DENND4C: variants seen among roughly 807,000 people sequenced by gnomAD.
DENND4C encodes DENN domain containing 4C.
In DENND4C, 108 loss-of-function variants were observed where a neutral mutation model predicts 203.0. The ratio of observed to expected loss-of-function variants is 0.53; its 90% CI spans 0.46 to 0.62. DENND4C has a LOEUF of 0.62. DENND4C is among the 20% of genes least tolerant of loss of function. The pLI, the probability that DENND4C is intolerant of heterozygous loss-of-function variation, is 0.00. For synonymous variants in DENND4C, 871 were observed against 792.4 expected (o/e 1.10, Z -1.67); for missense variants, 2,481 against 2,301.2 (o/e 1.08, Z -1.60).
At chr9:19,270,061 C>T (rs560045103) in intron 1 of DENND4C, among the ~76,000 whole-genome samples, 3 of 152,050 alleles carry the variant, frequency 2.0e-5, no homozygotes, top group Non-Finnish European at 4.4e-5. Context: ...AGCCAGTATT[C>T]CCTGGATTAC....
intron 1 of DENND4C, among the ~76,000 whole-genome samples, chr9:19,253,928 C>G (rs957143520): frequency 1.3e-5 from 2 of 152,026 alleles, no homozygotes; most frequent in African/African-American, 4.8e-5. Flanking sequence ...ATTGCTTGAG[C>G]CCAGAAGTTC....
At chr9:19,305,109 G>A (rs553584887) in intron 9 of DENND4C, among the ~76,000 whole-genome samples, 1 of 152,006 alleles carries the variant, frequency 6.6e-6, no homozygotes, top group Non-Finnish European at 1.5e-5. Flanking sequence ...GAATTAACAT[G>A]CAAAAAGCTG....
intron 9 of DENND4C, 149 bp downstream of exon 9, chr9:19,300,480 A>G (rs1440969420): frequency 9.1e-6 from 6 of 661,636 alleles, no homozygotes; most frequent in Admixed American, 7.2e-5. Context: ...AAAGTTGAAT[A>G]TAATCTGCTG....
intron 1 of DENND4C, among the ~76,000 whole-genome samples, chr9:19,264,304 C>G (rs897865676): frequency 1.4e-5 from 2 of 147,806 alleles, no homozygotes; most frequent in African/African-American, 2.5e-5. Context: ...CATAGTAGTT[C>G]CTTTTTTTTT....
chr9:19,253,939 A>G (rs892681902), intron 1 of DENND4C, among the ~76,000 whole-genome samples: 3 of 152,186 alleles, frequency 2.0e-5, no homozygotes, highest in Non-Finnish European at 4.4e-5. Flanking sequence ...CCAGAAGTTC[A>G]GAACCAGCCT....
At chr9:19,314,930 G>A (rs1231462397) in intron 10 of DENND4C, among the ~76,000 whole-genome samples, 5 of 151,850 alleles carry the variant, frequency 3.3e-5, no homozygotes, top group Non-Finnish European at 7.4e-5. Context: ...GGGAGGCCGA[G>A]GTGGGCGTAT....
In DENND4C at chr9:19,374,042, T is replaced by C. The variant is rs190446935; in HGVS notation, c.*1869T>C. Among the ~76,000 whole-genome samples the C allele has an allele frequency of 2.3e-3, 352 of 152,296 alleles. 1 individual carries two copies. Among genetic ancestry groups the C allele is most frequent in the African/African-American group, 8.0e-3 (332 of 41,558 alleles). ...TTTGCAACTCAAGACTTGGTACTAG[T>C]TTTAATACTTAACACTTACTGACCC... On this transcript the variant is annotated 3_prime_UTR_variant, in exon 33 of 33. Coordinates refer to ENST00000434457, the MANE Select transcript of DENND4C (RefSeq NM_001330640.2).
intron 1 of DENND4C, among the ~76,000 whole-genome samples, chr9:19,245,432 A>G (rs1399544732): frequency 6.9e-6 from 1 of 145,284 alleles, no homozygotes; most frequent in African/African-American, 2.6e-5. Flanking sequence ...GCGCTACTGC[A>G]CTCCTGCCTG....
intron 26 of DENND4C, among the ~76,000 whole-genome samples, chr9:19,355,269 T>C (rs1291320502): frequency 1.3e-5 from 2 of 152,332 alleles, no homozygotes; most frequent in South Asian, 2.1e-4. Context: ...TTGAATATTA[T>C]TGATATTAAT....
chr9:19,329,677 G>T (rs1171397195), intron 16 of DENND4C, among the ~76,000 whole-genome samples: 1 of 152,042 alleles, frequency 6.6e-6, no homozygotes, highest in East Asian at 1.9e-4. Flanking sequence ...AGTGTATGAG[G>T]GTTCCAGTTT....
intron 29 of DENND4C, 122 bp downstream of exon 29, chr9:19,360,611 G>C (rs1045753532): frequency 5.2e-6 from 7 of 1,337,856 alleles, no homozygotes; most frequent in Non-Finnish European, 7.2e-6. Context: ...TCACTTAAAA[G>C]TTTGGATAAG....
At chr9:19,362,110 T>C (rs1278946772) in intron 30 of DENND4C, 147 bp downstream of exon 30, 3 of 513,980 alleles carry the variant, frequency 5.8e-6, no homozygotes, top group African/African-American at 2.0e-5. Flanking sequence ...CCTGTCTCTA[T>C]TAAAAATACA....
chr9:19,309,969 G>A (rs770869094), intron 10 of DENND4C, among the ~76,000 whole-genome samples: 5 of 151,970 alleles, frequency 3.3e-5, no homozygotes, highest in Non-Finnish European at 7.4e-5. Context: ...GAATTTTTTG[G>A]TGAACTTTGT....
At chr9:19,258,943 C>G (rs78658543) in intron 1 of DENND4C, among the ~76,000 whole-genome samples, 4,495 of 152,176 alleles carry the variant, frequency 0.03, 214 homozygotes, top group African/African-American at 0.1. Flanking sequence ...GTGTGAGCCA[C>G]CCTGCCTGGC....
At chr9:19,244,892 G>T (rs948711429) in intron 1 of DENND4C, among the ~76,000 whole-genome samples, 1 of 152,170 alleles carries the variant, frequency 6.6e-6, no homozygotes, top group African/African-American at 2.4e-5. Flanking sequence ...CCCTTACTGG[G>T]TTGTTATGAA....
chr9:19,273,230 C>T (rs1276793602), intron 1 of DENND4C, among the ~76,000 whole-genome samples: 4 of 151,762 alleles, frequency 2.6e-5, no homozygotes, highest in African/African-American at 7.3e-5. Context: ...GTATTACAGG[C>T]GTGAGCCACT....
At chr9:19,242,254 G>T (rs1823941862) in intron 1 of DENND4C, among the ~76,000 whole-genome samples, 1 of 152,088 alleles carries the variant, frequency 6.6e-6, no homozygotes, top group Non-Finnish European at 1.5e-5. Context: ...TGGTTTGCTA[G>T]CTCATTTATT....
At chr9:19,297,608 T>C (rs567830375) in intron 6 of DENND4C, among the ~76,000 whole-genome samples, 122 of 152,268 alleles carry the variant, frequency 8.0e-4, no homozygotes, top group Non-Finnish European at 1.6e-3. Flanking sequence ...CTCCAAACTT[T>C]GGAGAAACTT....
intron 10 of DENND4C, among the ~76,000 whole-genome samples, chr9:19,312,574 G>A (rs889215269): frequency 6.6e-6 from 1 of 152,196 alleles, no homozygotes; most frequent in African/African-American, 2.4e-5. Flanking sequence ...ATGGGGGTGA[G>A]GGAGCTGAGC....
Sources: gnomAD v4.1 joint callset for allele counts (sites outside exome capture counted in the v4.1 genomes callset) on GRCh38, gnomAD v4.1.1 for gene constraint, MANE v1.5 for transcripts, NCBI Gene and HGNC (gene_info 2026-07-23, HGNC 2026-07-21) for gene names.